SHTN1: variants seen among roughly 807,000 people sequenced by gnomAD.
The protein encoded by SHTN1 is shootin 1.
In SHTN1, 42 loss-of-function variants were observed where a neutral mutation model predicts 83.1. That is an observed-to-expected ratio of 0.51 (90% CI 0.39 to 0.65). The LOEUF is 0.65. Ranked by LOEUF, SHTN1 falls within the 30% of genes least tolerant of loss-of-function variation. The pLI, the probability that SHTN1 is intolerant of heterozygous loss-of-function variation, is 0.00. For missense variants in SHTN1, 622 were observed against 737.8 expected (o/e 0.84, Z 1.82); for synonymous variants, 224 against 247.7 (o/e 0.90, Z 0.90).
chr10:117,099,102 T>A (rs1041896059), intron 1 of SHTN1, among the ~76,000 whole-genome samples: 2 of 151,668 alleles, frequency 1.3e-5, no homozygotes, highest in East Asian at 3.9e-4. Flanking sequence ...CTGGAGGCCA[T>A]TATTCTAAGT....
chr10:117,066,819 T>C (rs186382817), intron 1 of SHTN1, among the ~76,000 whole-genome samples: 2 of 152,328 alleles, frequency 1.3e-5, no homozygotes, highest in East Asian at 3.9e-4. Context: ...TTTCTGGTAC[T>C]ATTCTTAATG....
chr10:117,080,972 A>C (rs368010810), intron 1 of SHTN1, among the ~76,000 whole-genome samples: 1 of 150,980 alleles, frequency 6.6e-6, no homozygotes, highest in Admixed American at 6.6e-5. Context: ...CAATCATGTC[A>C]TCTGCAAACA....
intron 14 of SHTN1, chr10:116,907,765 A>G (rs1436102900): frequency 1.8e-5 from 8 of 442,500 alleles, no homozygotes; most frequent in Non-Finnish European, 3.2e-5. Flanking sequence ...ATCAGAGGAC[A>G]TAAGAACCTC....
rs151147646 is a variant in SHTN1 at position 116,998,124 on chromosome 10, G to A, written c.58+6898C>T. On this transcript the variant is annotated intron_variant, in intron 1 of 16. Transcript: ENST00000355371. ...AAGAATCAGGGAGTTAAGATACACC[G>A]CTTTGAGGGGGAACATCTACATAAA... is the stretch of plus-strand genomic sequence containing the variant. Among the ~76,000 whole-genome samples the A allele has an allele frequency of 3.0e-3, 450 of 152,260 alleles. 2 individuals carry two copies. The highest frequency in any genetic ancestry group is 0.01 in the African/African-American group (435 of 41,554).
At chr10:117,053,024 A>AAATAAAAAAAAAAAAAAAAAAAAAAAAG in intron 1 of SHTN1, among the ~76,000 whole-genome samples, 1 of 51,282 alleles carries the variant, frequency 1.9e-5, no homozygotes, top group Non-Finnish European at 5.7e-5. Context: ...TGTCTCAAAA[A>AAATAAAAAAAAAAAAAAAAAAAAAAAAG]AAAAAAGAAT....
chr10:116,967,941 C>T (rs541986900), intron 3 of SHTN1, among the ~76,000 whole-genome samples: 56 of 152,228 alleles, frequency 3.7e-4, no homozygotes, highest in African/African-American at 1.2e-3. Context: ...TCCAGCACTT[C>T]GGGAGGCCAA....
intron 4 of SHTN1, among the ~76,000 whole-genome samples, chr10:116,959,151 A>G (rs1346849088): frequency 1.3e-5 from 2 of 152,238 alleles, no homozygotes; most frequent in Non-Finnish European, 2.9e-5. Context: ...CAGAGTAAAA[A>G]TGATGTGAGA....
chr10:116,886,316 CA>C lies in SHTN1; in HGVS notation c.*27del. The C allele has an allele frequency of 1.3e-6, 2 of 1,551,832 alleles. No homozygotes were observed. Among genetic ancestry groups the C allele is most frequent in the Non-Finnish European group, 1.7e-6 (2 of 1,146,994 alleles). ...TCATGTGCTTATTGAAAAGGACTTC[CA>C]AACATGTCAGGCTTCTGGTTTATGG... On this transcript the variant is annotated 3_prime_UTR_variant, in exon 17 of 17. Coordinates refer to ENST00000355371, the MANE Select transcript of SHTN1 (RefSeq NM_001127211.3).
chr10:117,005,341 G>T (rs576306807), upstream of SHTN1: 636 of 1,292,402 alleles, frequency 4.9e-4, 11 homozygotes, highest in Admixed American at 0.016. Flanking sequence ...GAACGAGGGC[G>T]GGTCGGCAGC....
chr10:116,992,169 A>G (rs761036070), intron 1 of SHTN1, among the ~76,000 whole-genome samples: 5 of 152,118 alleles, frequency 3.3e-5, no homozygotes, highest in Admixed American at 6.5e-5. Flanking sequence ...AAACGAAACA[A>G]AACAAAAAAA....
chr10:117,053,556 A>C (rs550346453), intron 1 of SHTN1, among the ~76,000 whole-genome samples: 50 of 152,182 alleles, frequency 3.3e-4, no homozygotes, highest in Non-Finnish European at 6.3e-4. Context: ...ATAAAACTAC[A>C]ATGAGATACT....
In SHTN1 at chr10:116,881,767, A is replaced by G; in HGVS notation, c.*4577T>C. On this transcript the variant is annotated 3_prime_UTR_variant, in exon 17 of 17. Transcript: ENST00000355371. Reference sequence around the variant, plus strand: ...GTCTCCACATGGAGTTTCCTCTTCAACTTCACCAACTCTTGTGGTTTTTAT... The same window carrying G: ...GTCTCCACATGGAGTTTCCTCTTCAGCTTCACCAACTCTTGTGGTTTTTAT... 3.4e-6 allele frequency: 3 copies of G among 870,008 alleles called. No homozygotes were observed. Among genetic ancestry groups the G allele is most frequent in the Non-Finnish European group, 4.8e-6 (3 of 628,866 alleles). The allele number at this position is 870,008 out of a possible 1,614,324, so 53.9% of individuals were successfully genotyped here. A position where few individuals can be genotyped will look rare whatever the true frequency, so the allele number is the denominator to read the frequency against.
chr10:117,009,761 G>A (rs1375005109), upstream of SHTN1, among the ~76,000 whole-genome samples: 8 of 151,852 alleles, frequency 5.3e-5, no homozygotes, highest in African/African-American at 1.7e-4. Flanking sequence ...AAAATTAGCC[G>A]GGCGTGGTGG....
At chr10:117,044,903 C>T (rs148744595) in intron 2 of SHTN1, among the ~76,000 whole-genome samples, 1 of 152,110 alleles carries the variant, frequency 6.6e-6, no homozygotes, top group African/African-American at 2.4e-5. Flanking sequence ...CAATTTGTGT[C>T]ATTTTAAAGC....
intron 1 of SHTN1, among the ~76,000 whole-genome samples, chr10:117,095,302 T>C (rs1853489079): frequency 6.6e-6 from 1 of 152,200 alleles, no homozygotes; most frequent in Non-Finnish European, 1.5e-5. Context: ...ACTGCTGAAG[T>C]GTGAAAAATG....
At chr10:116,901,415 T>A (rs1040298692) in intron 16 of SHTN1, 1 of 985,314 alleles carries the variant, frequency 1.0e-6, no homozygotes, top group African/African-American at 1.7e-5. Context: ...CTTCTTGGGC[T>A]GCTCATGAAC....
Position 116,951,923 on chromosome 10 carries a change from C to G in SHTN1, c.520G>C (p.Glu174Gln). Residue 174 changes from glutamate (E) to glutamine (Q), a missense_variant, in exon 6 of 17, where the codon GAA (glutamate) becomes CAA (glutamine). Coordinates refer to ENST00000355371, the MANE Select transcript of SHTN1 (RefSeq NM_001127211.3). ...ELENLKSKLV[E>Q]VIEEVNKVKQ... ...GAGATACATACTTCTTCAATTACTT[C>G]TACGAGTTTGCTCTTGAGATTTTCC... is the stretch of plus-strand genomic sequence containing the variant. 2 of 1,586,646 alleles carry G rather than the reference C, an allele frequency of 1.3e-6. No homozygotes were observed. Among genetic ancestry groups the G allele is most frequent in the Non-Finnish European group, 1.7e-6 (2 of 1,160,398 alleles).
At chr10:116,993,652 G>A (rs967789678) in intron 1 of SHTN1, among the ~76,000 whole-genome samples, 3 of 152,240 alleles carry the variant, frequency 2.0e-5, no homozygotes, top group African/African-American at 7.2e-5. Context: ...AACCTGAGAT[G>A]ATGCCTAGCT....
Position 116,954,047 on chromosome 10 carries a change from A to G in SHTN1, c.431T>C (p.Ile144Thr). ...AATTAAGCAAAGAGTTCTACCTTTA[A>G]TTTGCTTCTGACACTGTACTGAGAC... ...TCVSVQCQKQ[I>T]KELRDQIVSV... Residue 144 changes from isoleucine (I) to threonine (T), a missense_variant, in exon 5 of 17, where the codon ATT becomes ACT. By Grantham distance (89) the Ile-to-Thr change is moderately conservative. Coordinates refer to ENST00000355371, the MANE Select transcript of SHTN1 (RefSeq NM_001127211.3). 6.2e-7 allele frequency: 1 copy of G among 1,603,690 alleles called. No individual in the cohort carries two copies.
Sources: allele counts gnomAD v4.1 joint callset (sites outside exome capture counted in the v4.1 genomes callset), GRCh38; gene constraint gnomAD v4.1.1; transcripts MANE v1.5; gene names NCBI Gene and HGNC (gene_info 2026-07-23, HGNC 2026-07-21).